SKIL: variants seen among roughly 807,000 people sequenced by gnomAD.
SKIL encodes the protein ski-like protein.
A neutral mutation model predicts 69.6 loss-of-function variants in SKIL; 20 were observed. That is an observed-to-expected ratio of 0.29 (90% CI 0.20 to 0.42). The LOEUF is 0.42. Ranked by LOEUF, SKIL falls within the 10% of genes least tolerant of loss-of-function variation. The pLI is 1.00. For missense variants in SKIL, 745 were observed against 783.1 expected (o/e 0.95, Z 0.58); for synonymous variants, 310 against 279.9 (o/e 1.11, Z -1.08).
In SKIL at chr3:170,390,521, C is replaced by G. The variant is rs777694138; in HGVS notation, c.1671+57C>G. 1.3e-5 allele frequency: 18 copies of G among 1,435,212 alleles called. 1 individual carries two copies. The highest frequency in any genetic ancestry group is 3.7e-5 in the Admixed American group (2 of 54,578). The allele number at this position is 1,435,212 out of a possible 1,614,324, so 88.9% of individuals were successfully genotyped here. A position where few individuals can be genotyped will look rare whatever the true frequency, so the allele number is the denominator to read the frequency against. The stretch of plus-strand genomic sequence containing the variant: ...TGAAAAGATACTTTTGTATATTGCT[C>G]TGTCGCCCAGGCTGGAGTGCAGTGG... On this transcript the variant is annotated intron_variant, in intron 5 of 6. Coordinates refer to ENST00000259119, the MANE Select transcript of SKIL (RefSeq NM_005414.5).
In SKIL at chr3:170,383,290, C is replaced by T. The variant is rs1737455207; in HGVS notation, c.1197-1243C>T. 2.0e-5 allele frequency among the ~76,000 whole-genome samples: 3 copies of T among 152,148 alleles called. No individual in the cohort carries two copies. In the South Asian group the frequency reaches 6.2e-4, roughly 31 times the overall value. On this transcript the variant is annotated intron_variant, in intron 3 of 6. Coordinates refer to ENST00000259119, the MANE Select transcript of SKIL (RefSeq NM_005414.5). ...GTCTTTTGAGCCCTATTAAACCTGT[C>T]AATTTTCTTGTCCTGTCAGAAAACT... is the stretch of plus-strand genomic sequence containing the variant.
At chr3:170,373,958 C>G (rs17826531) in intron 2 of SKIL, among the ~76,000 whole-genome samples, 6,407 of 152,068 alleles carry the variant, frequency 0.042, 151 homozygotes, top group South Asian at 0.14. Flanking sequence ...TAATGCTGAG[C>G]AGGTGGAATA....
chr3:170,379,448 T>C lies in SKIL; in HGVS notation c.1099-1796T>C, dbSNP rs1737211354. Among the ~76,000 whole-genome samples the C allele has an allele frequency of 3.3e-5, 5 of 149,642 alleles. No homozygotes were observed. In the South Asian group the frequency reaches 6.4e-4, roughly 19 times the overall value. On this transcript the variant is annotated intron_variant, in intron 2 of 6. Coordinates refer to ENST00000259119, the MANE Select transcript of SKIL (RefSeq NM_005414.5). Reference sequence around the variant, plus strand: ...TGCCACATTTCAGCTCTCCTTTCCTTCTTTCCCCTTTCCCTTACCAGTGAG... The same window carrying C: ...TGCCACATTTCAGCTCTCCTTTCCTCCTTTCCCCTTTCCCTTACCAGTGAG...
At chr3:170,378,304 GT>G (rs1278869752) in intron 2 of SKIL, among the ~76,000 whole-genome samples, 7 of 152,136 alleles carry the variant, frequency 4.6e-5, no homozygotes, top group Non-Finnish European at 1.0e-4. Flanking sequence ...AGGGCAGTGG[GT>G]TACTTGTCAG....
chr3:170,370,490 TTA>T (rs1211925482), intron 2 of SKIL, among the ~76,000 whole-genome samples: 13 of 122,668 alleles, frequency 1.1e-4, no homozygotes, highest in Middle Eastern at 5.3e-3. Flanking sequence ...TACAGTCTTC[TTA>T]TATCTTACAG....
rs113812989 is a variant in SKIL at position 170,394,264 on chromosome 3, C to G, written c.*1847C>G. On this transcript the variant is annotated 3_prime_UTR_variant, in exon 7 of 7. Transcript: ENST00000259119. ...GCCTCAGCCTCCCGAGTAGCTGGGA[C>G]TACAGGCACCCACCACCACTCCCGG... The G allele has an allele frequency of 6.6e-6, 1 of 151,392 alleles. No individual in the cohort carries two copies. Among genetic ancestry groups the G allele is most frequent in the African/African-American group, 2.4e-5 (1 of 41,172 alleles). The allele number at this position is 151,392 out of a possible 1,614,324, so 9.4% of individuals were successfully genotyped here. A position where few individuals can be genotyped will look rare whatever the true frequency, so the allele number is the denominator to read the frequency against.
chr3:170,365,184 A>G (rs1478742883), intron 2 of SKIL, among the ~76,000 whole-genome samples: 1 of 152,188 alleles, frequency 6.6e-6, no homozygotes. Flanking sequence ...CACCTCTTAG[A>G]TGAGTCACAT....
In SKIL at chr3:170,361,201, A is replaced by T. The variant is rs201411900; in HGVS notation, c.870A>T (p.Gln290His). 6.2e-7 allele frequency: 1 copy of T among 1,614,190 alleles called. No homozygotes were observed. The highest frequency in any genetic ancestry group is 1.1e-5 in the South Asian group (1 of 91,086). ...FYVQPDAPCI[Q>H]CLECCGMFAP... ...TTCAGCCTGATGCTCCGTGTATTCA[A>T]TGTCTGGAGTGTTGTGGAATGTTTG... The change falls in exon 2 of 7, where the codon CAA becomes CAT. Residue 290 changes from glutamine (Q) to histidine (H), a missense_variant. Physicochemically the swap from Gln to His is conservative, Grantham distance 24. Transcript: ENST00000259119.
chr3:170,380,567 C>T lies in SKIL; in HGVS notation c.1099-677C>T, dbSNP rs139468417. 3.0e-3 allele frequency among the ~76,000 whole-genome samples: 456 copies of T among 151,678 alleles called. 3 individuals are homozygous for T. The highest frequency in any genetic ancestry group is 0.011 in the African/African-American group (435 of 41,266). Reference sequence around the variant, plus strand: ...ACTGAAGCAGAGAATCGCTTGAACCCGGGAGGTGGAGGTTGCAGTGAGCCA... The same window carrying T: ...ACTGAAGCAGAGAATCGCTTGAACCTGGGAGGTGGAGGTTGCAGTGAGCCA... On this transcript the variant is annotated intron_variant, in intron 2 of 6. Transcript: ENST00000259119.
chr3:170,390,969 C>G lies in SKIL; in HGVS notation c.1672-67C>G, dbSNP rs762386903. On this transcript the variant is annotated intron_variant, in intron 5 of 6. Transcript: ENST00000259119. ...TTAGGTATTTTCTGTGCTATGTTTTCCAGAACTGAAAATTTTAACATGGTG... is the reference window on the plus strand; with the variant it reads ...TTAGGTATTTTCTGTGCTATGTTTTGCAGAACTGAAAATTTTAACATGGTG... 1.4e-4 allele frequency: 110 copies of G among 813,276 alleles called. 2 individuals carry two copies. Among genetic ancestry groups the G allele is most frequent in the Non-Finnish European group, 2.1e-4 (103 of 496,512 alleles). The allele number at this position is 813,276 out of a possible 1,614,324, so 50.4% of individuals were successfully genotyped here.
Position 170,360,131 on chromosome 3 carries a change from A to T in SKIL, c.-201A>T. On this transcript the variant is annotated 5_prime_UTR_variant, in exon 2 of 7. Transcript: ENST00000259119. ...GAGGCAAAACGAACAATTTTATAGGATTTGTAGTGAAATTATACCAGATTA... is the reference window on the plus strand; with the variant it reads ...GAGGCAAAACGAACAATTTTATAGGTTTTGTAGTGAAATTATACCAGATTA... The T allele has an allele frequency of 2.1e-6, 1 of 487,532 alleles. No individual in the cohort carries two copies. The highest frequency in any genetic ancestry group is 3.6e-6 in the Non-Finnish European group (1 of 277,514). 30.2% of individuals were successfully genotyped at this position (487,532 alleles called of 1,614,324 possible).
chr3:170,364,450 A>G (rs1029611788), intron 2 of SKIL, among the ~76,000 whole-genome samples: 8 of 150,750 alleles, frequency 5.3e-5, no homozygotes, highest in African/African-American at 1.7e-4. Context: ...CAGCCTCCCA[A>G]GTAGCCGGGG....
At chr3:170,390,751 A>AT (rs1236253911) in intron 5 of SKIL, among the ~76,000 whole-genome samples, 4 of 152,232 alleles carry the variant, frequency 2.6e-5, no homozygotes, top group East Asian at 3.8e-4. Flanking sequence ...AAGTGCTGGG[A>AT]TTACAGGTGT....
intron 2 of SKIL, among the ~76,000 whole-genome samples, chr3:170,370,851 G>A (rs1267236075): frequency 6.6e-6 from 1 of 152,016 alleles, no homozygotes; most frequent in Non-Finnish European, 1.5e-5. Context: ...GGGCTGAGAT[G>A]GGAGTATCGC....
intron 2 of SKIL, among the ~76,000 whole-genome samples, chr3:170,370,004 C>T (rs1736720591): frequency 6.6e-6 from 1 of 151,824 alleles, no homozygotes. Context: ...TTTTGGGAGG[C>T]TGAGACGGGC....
chr3:170,360,567 C>T lies in SKIL; in HGVS notation c.236C>T (p.Thr79Ile), dbSNP rs1736175772. ...CGAACCTGTACTTCTGTTCCTGAAA[C>T]TTTGCATTTAAATCCCAGTTTGAAA... ...VKRTCTSVPE[T>I]LHLNPSLKHT... Residue 79 changes from threonine to isoleucine, a missense_variant, in exon 2 of 7, where the codon ACT (threonine) becomes ATT (isoleucine). Transcript: ENST00000259119. 1 of 1,614,240 alleles carries T rather than the reference C, an allele frequency of 6.2e-7. No homozygotes were observed. Among genetic ancestry groups the T allele is most frequent in the Non-Finnish European group, 8.5e-7 (1 of 1,180,050 alleles).
chr3:170,364,639 A>C (rs765743552), intron 2 of SKIL, among the ~76,000 whole-genome samples: 4 of 152,040 alleles, frequency 2.6e-5, no homozygotes, highest in Non-Finnish European at 5.9e-5. Context: ...TCTAATTATT[A>C]GTCTGACATA....
At position 170,390,481 on chromosome 3, in the gene SKIL, A is replaced by G. The variant is rs745403418; in HGVS notation, c.1671+17A>G. 1 of 1,597,090 alleles carries G rather than the reference A, an allele frequency of 6.3e-7. No homozygotes were observed. Among genetic ancestry groups the G allele is most frequent in the African/African-American group, 1.3e-5 (1 of 74,556 alleles). On this transcript the variant is annotated intron_variant, in intron 5 of 6. Transcript: ENST00000259119. The stretch of plus-strand genomic sequence containing the variant: ...CTTCAGATGGTAAAATTGTTATCTA[A>G]ATGATAGTCCATTATGAAAAGATAC...
At chr3:170,373,309 G>T (rs542460073) in intron 2 of SKIL, among the ~76,000 whole-genome samples, 96 of 152,250 alleles carry the variant, frequency 6.3e-4, no homozygotes, top group African/African-American at 2.1e-3. Context: ...TGGGATTACA[G>T]GCATGAGCCA....
Sources: allele counts gnomAD v4.1 joint callset (sites outside exome capture counted in the v4.1 genomes callset), GRCh38; gene constraint gnomAD v4.1.1; transcripts MANE v1.5; gene names NCBI Gene and HGNC (gene_info 2026-07-23, HGNC 2026-07-21).